The following TBL1XR1 variants were observed in gnomAD, a reference collection of about 807,000 sequenced individuals.
TBL1XR1 encodes the protein F-box-like/WD repeat-containing protein TBL1XR1.
Under a neutral mutation model 66.9 loss-of-function variants are expected in TBL1XR1, and 5 were observed. That is an observed-to-expected ratio of 0.07 (90% CI 0.04 to 0.16). The LOEUF (loss-of-function observed/expected upper bound fraction) is 0.16, where lower values mean the gene tolerates loss of function less well. Ranked by LOEUF, TBL1XR1 falls within the 10% of genes least tolerant of loss-of-function variation. TBL1XR1 has a pLI of 1.00. For synonymous variants in TBL1XR1, 210 were observed against 206.0 expected (o/e 1.02, Z -0.17); for missense variants, 238 against 623.2 (o/e 0.38, Z 6.58).
intron 1 of TBL1XR1, among the ~76,000 whole-genome samples, chr3:177,187,197 C>T (rs1375203766): frequency 6.6e-6 from 1 of 150,414 alleles, no homozygotes; most frequent in Non-Finnish European, 1.5e-5. Context: ...AGTTCGAGAC[C>T]AACCTGGCCA....
At chr3:177,123,060 G>T (rs974104935) in intron 1 of TBL1XR1, among the ~76,000 whole-genome samples, 1 of 151,822 alleles carries the variant, frequency 6.6e-6, no homozygotes, top group African/African-American at 2.4e-5. Context: ...TTGAGAGGAG[G>T]GGAAATAGAA....
At chr3:177,106,859 G>A (rs990185871) in intron 1 of TBL1XR1, among the ~76,000 whole-genome samples, 3 of 151,870 alleles carry the variant, frequency 2.0e-5, no homozygotes, top group African/African-American at 7.3e-5. Flanking sequence ...TGCTACTAAG[G>A]CTATTGAATC....
intron 1 of TBL1XR1, among the ~76,000 whole-genome samples, chr3:177,102,243 C>T (rs1006653462): frequency 1.3e-5 from 2 of 152,058 alleles, no homozygotes; most frequent in Admixed American, 1.3e-4. Context: ...GGAGAAAGAC[C>T]ACAATAGTGA....
intron 12 of TBL1XR1, among the ~76,000 whole-genome samples, chr3:177,036,335 C>T (rs979816030): frequency 2.0e-5 from 3 of 152,232 alleles, no homozygotes; most frequent in African/African-American, 4.8e-5. Flanking sequence ...CCTATCTCCT[C>T]CATTCGCATG....
At chr3:177,069,030 G>A (rs1397429949) in intron 2 of TBL1XR1, among the ~76,000 whole-genome samples, 2 of 152,176 alleles carry the variant, frequency 1.3e-5, no homozygotes, top group African/African-American at 4.8e-5. Flanking sequence ...GAGCTCGGAT[G>A]TAAATTAAAA....
intron 3 of TBL1XR1, among the ~76,000 whole-genome samples, chr3:177,059,555 G>T (rs1278861447): frequency 6.6e-6 from 1 of 152,056 alleles, no homozygotes; most frequent in Non-Finnish European, 1.5e-5. Context: ...TATGGTACAA[G>T]GCCTGTATTT....
chr3:177,184,330 C>T (rs1296902529), intron 1 of TBL1XR1, among the ~76,000 whole-genome samples: 5 of 152,106 alleles, frequency 3.3e-5, no homozygotes, highest in South Asian at 2.1e-4. Flanking sequence ...CCCATTGTGC[C>T]AAATACTATA....
chr3:177,143,567 T>C (rs917719563), intron 1 of TBL1XR1, among the ~76,000 whole-genome samples: 6 of 152,202 alleles, frequency 3.9e-5, no homozygotes, highest in Admixed American at 2.6e-4. Flanking sequence ...AACTTTTTGT[T>C]ATGTGTGAAA....
intron 2 of TBL1XR1, among the ~76,000 whole-genome samples, chr3:177,069,805 G>GA (rs1560139050): frequency 1.1e-4 from 12 of 113,852 alleles, no homozygotes; most frequent in African/African-American, 3.5e-4. Context: ...AGGAAGGAAG[G>GA]AAGGAAGGAA....
Position 177,022,250 on chromosome 3 carries a change from ATTTG to A in TBL1XR1, c.*3244_*3247del, listed in dbSNP as rs1361828030. The A allele has an allele frequency of 2.6e-5, 4 of 152,652 alleles. No homozygotes were observed. The highest frequency in any genetic ancestry group is 6.5e-5 in the Admixed American group (1 of 15,290). 9.5% of individuals were successfully genotyped at this position (152,652 alleles called of 1,614,324 possible). On this transcript the variant is annotated 3_prime_UTR_variant, in exon 16 of 16. Coordinates refer to ENST00000457928, the MANE Select transcript of TBL1XR1 (RefSeq NM_024665.7). ...TCTAGTGATTACTTTTTGCACCATA[ATTTG>A]TTTTTTACACCACAAAAGGAGGCAC...
chr3:177,071,373 A>G (rs1404462552), intron 2 of TBL1XR1, among the ~76,000 whole-genome samples: 1 of 152,166 alleles, frequency 6.6e-6, no homozygotes, highest in Non-Finnish European at 1.5e-5. Context: ...TACTACCCAC[A>G]GTAATGTTTA....
intron 3 of TBL1XR1, among the ~76,000 whole-genome samples, chr3:177,056,831 T>C (rs560416161): frequency 6.6e-6 from 1 of 152,262 alleles, no homozygotes; most frequent in South Asian, 2.1e-4. Context: ...CTACCATCTG[T>C]AGATGCTCAT....
At chr3:177,151,652 A>C (rs952710879) in intron 1 of TBL1XR1, among the ~76,000 whole-genome samples, 2 of 152,218 alleles carry the variant, frequency 1.3e-5, no homozygotes, top group Non-Finnish European at 2.9e-5. Context: ...GCTGAGTGTG[A>C]AATCAGCTGT....
chr3:177,100,425 G>A (rs1724055320), intron 1 of TBL1XR1, among the ~76,000 whole-genome samples: 1 of 151,188 alleles, frequency 6.6e-6, no homozygotes, highest in Non-Finnish European at 1.5e-5. Flanking sequence ...AGTGAATAAT[G>A]TACTTTTTTT....
chr3:177,108,395 A>C (rs1380732003), intron 1 of TBL1XR1, among the ~76,000 whole-genome samples: 1 of 152,218 alleles, frequency 6.6e-6, no homozygotes. Context: ...AAGAATGGAA[A>C]GAATAAGGCT....
At chr3:177,142,971 T>C (rs922172374) in intron 1 of TBL1XR1, among the ~76,000 whole-genome samples, 1 of 151,990 alleles carries the variant, frequency 6.6e-6, no homozygotes, top group African/African-American at 2.4e-5. Context: ...CAAATGTCCT[T>C]TGGGTGGTCT....
intron 1 of TBL1XR1, among the ~76,000 whole-genome samples, chr3:177,129,210 C>CA (rs1446054895): frequency 1.3e-5 from 2 of 152,022 alleles, no homozygotes; most frequent in African/African-American, 4.8e-5. Context: ...CTATCATATG[C>CA]AAAATCAAAA....
intron 1 of TBL1XR1, among the ~76,000 whole-genome samples, chr3:177,163,078 G>A (rs944686277): frequency 6.6e-6 from 1 of 152,162 alleles, no homozygotes; most frequent in Non-Finnish European, 1.5e-5. Flanking sequence ...TATGCATAGG[G>A]AATGATCTAT....
At chr3:177,026,501 A>C (rs1430594869) in intron 14 of TBL1XR1, 27 bp from the exon 15 acceptor site, 1 of 1,506,870 alleles carries the variant, frequency 6.6e-7, no homozygotes. Context: ...CAAAATCTTA[A>C]AAATCGTAAT....
Sources: allele counts gnomAD v4.1 joint callset (sites outside exome capture counted in the v4.1 genomes callset), GRCh38; gene constraint gnomAD v4.1.1; transcripts MANE v1.5; gene names NCBI Gene and HGNC (gene_info 2026-07-23, HGNC 2026-07-21).